The following KCNJ3 variants were observed in gnomAD, a reference collection of about 807,000 sequenced individuals.
KCNJ3 encodes the protein potassium inwardly rectifying channel subfamily J member 3.
Under a neutral mutation model 39.2 loss-of-function variants are expected in KCNJ3, and 4 were observed. The observed-to-expected ratio is 0.10, with a 90% confidence interval of 0.05 to 0.23. KCNJ3 has a LOEUF of 0.23. KCNJ3 is among the 10% of genes least tolerant of loss of function. The pLI, the probability that KCNJ3 is intolerant of heterozygous loss-of-function variation, is 1.00. For synonymous variants in KCNJ3, 230 were observed against 237.4 expected (o/e 0.97, Z 0.29); for missense variants, 276 against 634.9 (o/e 0.43, Z 6.08).
chr2:154,796,241 C>T (rs1686718694), intron 2 of KCNJ3, among the ~76,000 whole-genome samples: 1 of 152,066 alleles, frequency 6.6e-6, no homozygotes, highest in South Asian at 2.1e-4. Flanking sequence ...CTAGGAATGG[C>T]ACTGAGAAGA....
chr2:154,736,578 A>G (rs866883402), intron 2 of KCNJ3, among the ~76,000 whole-genome samples: 1 of 152,092 alleles, frequency 6.6e-6, no homozygotes, highest in Non-Finnish European at 1.5e-5. Flanking sequence ...TTTACAATGT[A>G]TATATGCAAT....
intron 1 of KCNJ3, among the ~76,000 whole-genome samples, chr2:154,709,039 T>A (rs1393336179): frequency 6.6e-6 from 1 of 152,220 alleles, no homozygotes; most frequent in African/African-American, 2.4e-5. Context: ...CTTGTGTACA[T>A]AACATAGCTT....
At chr2:154,823,406 C>CTT (rs55722860) in intron 2 of KCNJ3, among the ~76,000 whole-genome samples, 1 of 145,556 alleles carries the variant, frequency 6.9e-6, no homozygotes, top group African/African-American at 2.5e-5. Flanking sequence ...TTTCCACATT[C>CTT]TTTTTTTTTT....
At chr2:154,733,683 T>C (rs528721545) in intron 2 of KCNJ3, among the ~76,000 whole-genome samples, 1 of 152,198 alleles carries the variant, frequency 6.6e-6, no homozygotes, top group Non-Finnish European at 1.5e-5. Context: ...CTAGATACAT[T>C]CGTGTAGGAC....
In KCNJ3 at chr2:154,738,073, G is replaced by A. The variant is rs565931133; in HGVS notation, c.919+28254G>A. Among the ~76,000 whole-genome samples the A allele has an allele frequency of 2.6e-5, 4 of 152,084 alleles. No homozygotes were observed. In the East Asian group the frequency reaches 7.8e-4, roughly 29 times the overall value. On this transcript the variant is annotated intron_variant, in intron 2 of 2. Coordinates refer to ENST00000295101, the MANE Select transcript of KCNJ3 (RefSeq NM_002239.4). ...ACACTTATTTTGCTTCCAAATCTTA[G>A]CCATTATAAACAGTGCTGAAACATA...
At chr2:154,771,670 T>A (rs554829844) in intron 2 of KCNJ3, among the ~76,000 whole-genome samples, 1 of 152,316 alleles carries the variant, frequency 6.6e-6, no homozygotes, top group African/African-American at 2.4e-5. Flanking sequence ...CAGTTGGTAT[T>A]GACTGTGTCC....
intron 2 of KCNJ3, among the ~76,000 whole-genome samples, chr2:154,834,498 G>T (rs959333273): frequency 6.6e-6 from 1 of 152,074 alleles, no homozygotes; most frequent in Non-Finnish European, 1.5e-5. Flanking sequence ...TTGGGCTGCC[G>T]AGGCGGGTGG....
chr2:154,854,044 C>CAT (rs1197462123), intron 2 of KCNJ3, among the ~76,000 whole-genome samples: 4 of 152,130 alleles, frequency 2.6e-5, no homozygotes, highest in African/African-American at 9.7e-5. Context: ...CTTTTTCTAG[C>CAT]ATATAAATAT....
chr2:154,849,417 C>T (rs1277212132), intron 2 of KCNJ3, among the ~76,000 whole-genome samples: 1 of 152,006 alleles, frequency 6.6e-6, no homozygotes, highest in East Asian at 1.9e-4. Flanking sequence ...CGCTCTTTTG[C>T]TCTCTCTCCT....
intron 2 of KCNJ3, among the ~76,000 whole-genome samples, chr2:154,746,299 C>A (rs1434779086): frequency 2.0e-5 from 3 of 151,724 alleles, no homozygotes; most frequent in Non-Finnish European, 2.9e-5. Context: ...TTTGGAAAGT[C>A]AAAAGTTGTA....
chr2:154,844,588 T>C (rs1687634982), intron 2 of KCNJ3, among the ~76,000 whole-genome samples: 1 of 152,190 alleles, frequency 6.6e-6, no homozygotes, highest in African/African-American at 2.4e-5. Flanking sequence ...CTTGTTGATC[T>C]GTGGTGGGCT....
intron 2 of KCNJ3, among the ~76,000 whole-genome samples, chr2:154,851,351 A>ATT (rs1348172723): frequency 2.0e-5 from 3 of 152,240 alleles, no homozygotes; most frequent in African/African-American, 7.2e-5. Flanking sequence ...CATCACACAT[A>ATT]TTAAGGCACC....
chr2:154,828,534 C>T (rs887180527), intron 2 of KCNJ3, among the ~76,000 whole-genome samples: 1 of 152,160 alleles, frequency 6.6e-6, no homozygotes, highest in African/African-American at 2.4e-5. Flanking sequence ...TTGAAATAAT[C>T]ATTGTATTGC....
chr2:154,810,793 T>A (rs1189474496), intron 2 of KCNJ3, among the ~76,000 whole-genome samples: 1 of 151,564 alleles, frequency 6.6e-6, no homozygotes, highest in Non-Finnish European at 1.5e-5. Context: ...CTAAGCTATT[T>A]CTCAGGCTAG....
chr2:154,781,464 A>G (rs533691991), intron 2 of KCNJ3, among the ~76,000 whole-genome samples: 11 of 152,196 alleles, frequency 7.2e-5, no homozygotes, highest in Non-Finnish European at 1.3e-4. Context: ...TTTGAATTTT[A>G]GTATTTGCTG....
At chr2:154,797,476 G>A (rs368371290) in intron 2 of KCNJ3, among the ~76,000 whole-genome samples, 4 of 152,050 alleles carry the variant, frequency 2.6e-5, no homozygotes, top group African/African-American at 7.2e-5. Flanking sequence ...ACTGTCTATA[G>A]TTTAGTGTGG....
intron 2 of KCNJ3, among the ~76,000 whole-genome samples, chr2:154,793,029 G>A (rs1040237335): frequency 3.3e-5 from 5 of 152,034 alleles, no homozygotes; most frequent in African/African-American, 1.2e-4. Context: ...TACATGGTTT[G>A]TTTTATGGGA....
intron 2 of KCNJ3, among the ~76,000 whole-genome samples, chr2:154,819,056 T>G (rs1040663545): frequency 5.3e-5 from 8 of 149,952 alleles, no homozygotes; most frequent in Non-Finnish European, 1.2e-4. Flanking sequence ...TCCCAGCTAC[T>G]CTGAAAGCAG....
intron 2 of KCNJ3, among the ~76,000 whole-genome samples, chr2:154,811,576 A>G (rs894461531): frequency 7.2e-5 from 11 of 152,010 alleles, no homozygotes; most frequent in South Asian, 2.1e-4. Context: ...ACAGGCATGA[A>G]CCACTGTGCC....
Sources: gnomAD v4.1 joint callset for allele counts (sites outside exome capture counted in the v4.1 genomes callset) on GRCh38, gnomAD v4.1.1 for gene constraint, MANE v1.5 for transcripts, NCBI Gene and HGNC (gene_info 2026-07-23, HGNC 2026-07-21) for gene names.